The following PCA3 variants were observed in gnomAD, a reference collection of about 807,000 sequenced individuals.
PCA3 encodes prostate cancer associated 3.
At chr9:76,784,980 G>A (rs1278344378) in intron 2 of PCA3, 1 of 151,856 alleles carries the variant, frequency 6.6e-6, no homozygotes, top group Non-Finnish European at 1.5e-5. Flanking sequence ...TACATATTTT[G>A]TTTTCCAGTG....
intron 2 of PCA3, among the ~76,000 whole-genome samples, chr9:76,765,895 G>A (rs903948656): frequency 3.3e-5 from 5 of 152,046 alleles, no homozygotes; most frequent in African/African-American, 1.2e-4. Flanking sequence ...GAAATATCTC[G>A]TTAGAGGCCA....
intron 2 of PCA3, chr9:76,782,968 C>A (rs1372755900): frequency 6.6e-6 from 1 of 152,222 alleles, no homozygotes; most frequent in East Asian, 1.9e-4. Flanking sequence ...ATTAGACAAT[C>A]TTTAAGATCT....
At chr9:76,781,788 C>T (rs926431766) in intron 2 of PCA3, among the ~76,000 whole-genome samples, 2 of 152,166 alleles carry the variant, frequency 1.3e-5, no homozygotes, top group Admixed American at 6.5e-5. Context: ...AATGAGTTAA[C>T]GGTGAATGTC....
rs145440894 is a variant in PCA3, at chr9:76,781,235, C to A, written n.853-27348C>A. Among the ~76,000 whole-genome samples the A allele has an allele frequency of 3.3e-5, 5 of 152,228 alleles. No homozygotes were observed. The East Asian group carries it at 7.7e-4, about 24-fold the overall frequency. Reference sequence around the variant, plus strand: ...ATTAACTCTTTGCCACATCCCTATCCTTTTTATAATCCTCCAGTGGCTTCC... The same window carrying A: ...ATTAACTCTTTGCCACATCCCTATCATTTTTATAATCCTCCAGTGGCTTCC... On this transcript the variant is annotated intron_variant and non_coding_transcript_variant, in intron 2 of 5. Transcript: ENST00000644657.
At chr9:76,768,544 G>C (rs1258292684) in intron 2 of PCA3, among the ~76,000 whole-genome samples, 3 of 151,124 alleles carry the variant, frequency 2.0e-5, no homozygotes, top group Admixed American at 2.0e-4. Context: ...AACGTTCTCT[G>C]GGTCTCTTAT....
At chr9:76,777,760 G>A (rs748560714) in intron 2 of PCA3, among the ~76,000 whole-genome samples, 7 of 152,200 alleles carry the variant, frequency 4.6e-5, no homozygotes, top group Non-Finnish European at 1.0e-4. Context: ...GAATATCAGG[G>A]GAAAGGGAAG....
chr9:76,778,893 TCAACAAATTGAA>T (rs2054080051), intron 2 of PCA3: 1 of 152,228 alleles, frequency 6.6e-6, no homozygotes, highest in South Asian at 2.1e-4. Context: ...CACTTGTGCC[TCAACAAATTGAA>T]CTGTTAACAA....
At chr9:76,773,588 C>T (rs374381994) in intron 2 of PCA3, among the ~76,000 whole-genome samples, 52 of 152,152 alleles carry the variant, frequency 3.4e-4, no homozygotes, top group Admixed American at 1.1e-3. Flanking sequence ...GGATTACAGG[C>T]ACCTGCCAGC....
At chr9:76,765,902 G>T (rs935809763) in intron 2 of PCA3, among the ~76,000 whole-genome samples, 1 of 152,134 alleles carries the variant, frequency 6.6e-6, no homozygotes, top group Non-Finnish European at 1.5e-5. Flanking sequence ...CTCGTTAGAG[G>T]CCAGACGCGG....
At chr9:76,771,840 G>C (rs1345169615) in intron 2 of PCA3, among the ~76,000 whole-genome samples, 2 of 152,118 alleles carry the variant, frequency 1.3e-5, no homozygotes, top group African/African-American at 4.8e-5. Flanking sequence ...CAACCACTCA[G>C]GTGTGGTTTG....
intron 2 of PCA3, among the ~76,000 whole-genome samples, chr9:76,781,001 T>C (rs765857962): frequency 4.6e-5 from 7 of 152,302 alleles, no homozygotes; most frequent in East Asian, 1.9e-4. Flanking sequence ...CATTTTTTCC[T>C]CCCTAGTCCC....
intron 2 of PCA3, among the ~76,000 whole-genome samples, chr9:76,776,452 T>C (rs2053753986): frequency 6.6e-6 from 1 of 152,130 alleles, no homozygotes; most frequent in Non-Finnish European, 1.5e-5. Context: ...TCCATATTGC[T>C]GCAAAAGCTG....
intron 2 of PCA3, among the ~76,000 whole-genome samples, chr9:76,772,042 A>T (rs1490476089): frequency 6.6e-6 from 1 of 152,196 alleles, no homozygotes; most frequent in Non-Finnish European, 1.5e-5. Context: ...GGCTCCACAC[A>T]AACTACCTTT....
chr9:76,768,342 G>A (rs138394391), intron 2 of PCA3, among the ~76,000 whole-genome samples: 2,567 of 152,136 alleles, frequency 0.017, 60 homozygotes, highest in African/African-American at 0.052. Context: ...ACAGGCCTGC[G>A]CCACTGTGCC....
chr9:76,767,701 A>C (rs1308716976), intron 2 of PCA3, among the ~76,000 whole-genome samples: 4 of 152,084 alleles, frequency 2.6e-5, no homozygotes, highest in African/African-American at 9.7e-5. Context: ...ATTTTGTTTT[A>C]ATACATATCG....
chr9:76,776,886 A>C (rs2053831230), intron 2 of PCA3, among the ~76,000 whole-genome samples: 1 of 111,574 alleles, frequency 9.0e-6, no homozygotes, highest in Non-Finnish European at 1.7e-5. Context: ...CTCATTACCA[A>C]AACACATACA....
At chr9:76,780,808 A>G (rs1246738633) in intron 2 of PCA3, among the ~76,000 whole-genome samples, 1 of 152,350 alleles carries the variant, frequency 6.6e-6, no homozygotes, top group East Asian at 1.9e-4. Context: ...CTGAGAACCA[A>G]TGAGGAGCCA....
intron 2 of PCA3, among the ~76,000 whole-genome samples, chr9:76,765,234 A>G (rs991159478): frequency 6.6e-6 from 1 of 152,216 alleles, no homozygotes; most frequent in African/African-American, 2.4e-5. Context: ...GAGCCAGCAA[A>G]GGAAACAGAA....
chr9:76,772,348 T>A (rs966720348), intron 2 of PCA3, among the ~76,000 whole-genome samples: 3 of 152,152 alleles, frequency 2.0e-5, no homozygotes, highest in South Asian at 2.1e-4. Context: ...AATTTTTTTT[T>A]TAAATGGCAA....
Sources: gnomAD v4.1 joint callset for allele counts (sites outside exome capture counted in the v4.1 genomes callset) on GRCh38, gnomAD v4.1.1 for gene constraint, MANE v1.5 for transcripts, NCBI Gene and HGNC (gene_info 2026-07-23, HGNC 2026-07-21) for gene names.